CCN4: variants seen among roughly 807,000 people sequenced by gnomAD.
CCN4 encodes CCN family member 4.
In CCN4, 30 loss-of-function variants were observed where a neutral mutation model predicts 36.7. The observed-to-expected ratio is 0.82, with a 90% CI of 0.61 to 1.11. The LOEUF is 1.11. CCN4 is among the 50% of genes least tolerant of loss of function. The pLI, the probability that CCN4 is intolerant of heterozygous loss-of-function variation, is 0.00. For synonymous variants in CCN4, 191 were observed against 195.4 expected, an observed-to-expected ratio of 0.98 and a Z score of 0.19; for missense variants, 505 against 504.9, an observed-to-expected ratio of 1.00 and a Z score of 0.00.
intron 2 of CCN4, among the ~76,000 whole-genome samples, chr8:133,213,610 C>G (rs570351557): frequency 1.3e-5 from 2 of 151,418 alleles, no homozygotes; most frequent in East Asian, 3.9e-4. Flanking sequence ...TCCCTTCCCA[C>G]CAGCTACCTA....
chr8:133,196,957 T>C (rs990358720), intron 1 of CCN4, among the ~76,000 whole-genome samples: 11 of 152,196 alleles, frequency 7.2e-5, no homozygotes, highest in Non-Finnish European at 1.0e-4. Flanking sequence ...CAGGCTGTCC[T>C]GGCTCAGTGC....
intron 1 of CCN4, among the ~76,000 whole-genome samples, chr8:133,210,458 T>C (rs2130570091): frequency 6.6e-6 from 1 of 152,032 alleles, no homozygotes; most frequent in Admixed American, 6.6e-5. Context: ...TCTTGCATCC[T>C]GTTGTGTTTT....
chr8:133,202,788 G>T (rs1853634639), intron 1 of CCN4, among the ~76,000 whole-genome samples: 1 of 152,198 alleles, frequency 6.6e-6, no homozygotes, highest in Non-Finnish European at 1.5e-5. Flanking sequence ...CACTTGAAGG[G>T]GAGCCCCCAC....
rs765978788 is a variant in CCN4 at position 133,225,442 on chromosome 8, C to A, written c.663C>A (p.Ser221Arg). Residue 221 changes from serine (S) to arginine (R), a missense_variant, in exon 4 of 5, where the codon AGC (serine) becomes AGA (arginine). Coordinates refer to ENST00000250160, the MANE Select transcript of CCN4 (RefSeq NM_003882.4). ...AWHRNCIAYT[S>R]PWSPCSTSCG... Reference sequence around the variant, plus strand: ...ACAGGAACTGCATAGCCTACACAAGCCCCTGGAGCCCTTGCTCCACCAGCT... The same window carrying A: ...ACAGGAACTGCATAGCCTACACAAGACCCTGGAGCCCTTGCTCCACCAGCT... The A allele has an allele frequency of 1.2e-6, 2 of 1,613,874 alleles. No homozygotes were observed. The highest frequency in any genetic ancestry group is 2.2e-5 in the South Asian group (2 of 91,024).
Position 133,191,039 on chromosome 8 carries a change from A to T in CCN4, c.-106A>T. ...ACCCCCCAAGGGCTGCGGAAGAGGC[A>T]TATCTGGTGCTCCTGATGGGCCGGC... On this transcript the variant is annotated 5_prime_UTR_variant, in exon 1 of 5. Transcript: ENST00000250160. The T allele has an allele frequency of 8.6e-7, 1 of 1,159,102 alleles. No individual in the cohort carries two copies. Among genetic ancestry groups the T allele is most frequent in the African/African-American group, 1.5e-5 (1 of 65,888 alleles). 71.8% of individuals were successfully genotyped at this position (1,159,102 alleles called of 1,614,324 possible). A position where few individuals can be genotyped will look rare whatever the true frequency, so the allele number is the denominator to read the frequency against.
At chr8:133,217,655 C>T (rs1854368809) in intron 2 of CCN4, among the ~76,000 whole-genome samples, 1 of 152,140 alleles carries the variant, frequency 6.6e-6, no homozygotes, top group Non-Finnish European at 1.5e-5. Context: ...CTTCTAGTTG[C>T]ACTGGTTTTC....
chr8:133,212,017 C>G (rs1854060827), intron 1 of CCN4, among the ~76,000 whole-genome samples: 1 of 152,206 alleles, frequency 6.6e-6, no homozygotes, highest in Admixed American at 6.5e-5. Context: ...CTGGGCAGCT[C>G]TTAGGGCCTT....
intron 1 of CCN4, among the ~76,000 whole-genome samples, chr8:133,201,040 T>C (rs1463171786): frequency 2.0e-5 from 3 of 152,162 alleles, no homozygotes; most frequent in Non-Finnish European, 1.5e-5. Flanking sequence ...CCATGCCCTT[T>C]CCCCTCTTCA....
At chr8:133,194,954 CTG>C in intron 1 of CCN4, among the ~76,000 whole-genome samples, 1 of 76,476 alleles carries the variant, frequency 1.3e-5, no homozygotes, top group Admixed American at 1.3e-4. Flanking sequence ...TGTGTGGTGT[CTG>C]TGTATGTGTG....
intron 1 of CCN4, among the ~76,000 whole-genome samples, chr8:133,193,590 G>A (rs1044383328): frequency 7.9e-5 from 12 of 152,200 alleles, no homozygotes; most frequent in African/African-American, 2.9e-4. Flanking sequence ...CAAGCACTGA[G>A]CCAACACATG....
At chr8:133,204,159 T>C (rs1000332660) in intron 1 of CCN4, among the ~76,000 whole-genome samples, 1 of 152,220 alleles carries the variant, frequency 6.6e-6, no homozygotes, top group Non-Finnish European at 1.5e-5. Context: ...TTAGGGGTCT[T>C]ATCATCGGGA....
At chr8:133,222,548 G>A (rs1401675149) in intron 3 of CCN4, among the ~76,000 whole-genome samples, 1 of 151,628 alleles carries the variant, frequency 6.6e-6, no homozygotes, top group African/African-American at 2.4e-5. Flanking sequence ...GATGGCCTGA[G>A]GGTAACATCC....
At position 133,191,158 on chromosome 8, in the gene CCN4, T is replaced by A. The variant is rs1218362842; in HGVS notation, c.14T>A (p.Leu5Gln). 2 of 1,606,764 alleles carry A rather than the reference T, an allele frequency of 1.2e-6. No individual in the cohort carries two copies. The highest frequency in any genetic ancestry group is 2.2e-5 in the South Asian group (2 of 90,944). ...TGACGTCCAGGCATGAGGTGGTTCC[T>A]GCCCTGGACGCTGGCAGCAGTGACA... Reference protein sequence around the residue: MRWFLPWTLAAVTAA... With the variant: MRWFQPWTLAAVTAA... The change falls in exon 1 of 5, where the codon CTG becomes CAG. Residue 5 changes from leucine (L) to glutamine (Q), a missense_variant. Transcript: ENST00000250160.
chr8:133,215,295 TTGC>T (rs1854278559), intron 2 of CCN4, among the ~76,000 whole-genome samples: 1 of 152,154 alleles, frequency 6.6e-6, no homozygotes, highest in Admixed American at 6.5e-5. Flanking sequence ...AGTTCAAGAA[TTGC>T]TGCTAATATA....
intron 3 of CCN4, among the ~76,000 whole-genome samples, chr8:133,222,291 G>C (rs1854566180): frequency 6.6e-6 from 1 of 152,134 alleles, no homozygotes; most frequent in Non-Finnish European, 1.5e-5. Context: ...CTAATGCATG[G>C]GGTGAAGAAG....
At chr8:133,193,082 C>T (rs980719572) in intron 1 of CCN4, among the ~76,000 whole-genome samples, 1 of 152,204 alleles carries the variant, frequency 6.6e-6, no homozygotes, top group Non-Finnish European at 1.5e-5. Flanking sequence ...GAAAGCCCCG[C>T]CCCCTGTGTG....
chr8:133,226,586 G>T (rs1250814042), intron 4 of CCN4, among the ~76,000 whole-genome samples: 3 of 152,172 alleles, frequency 2.0e-5, no homozygotes, highest in Non-Finnish European at 2.9e-5. Flanking sequence ...ACATGGAAAA[G>T]GTACCAGCTG....
At position 133,227,887 on chromosome 8, in the gene CCN4, A is replaced by T. The variant is rs1255365050; in HGVS notation, c.*177A>T. 7.3e-6 allele frequency: 5 copies of T among 688,750 alleles called. No homozygotes were observed. Among genetic ancestry groups the T allele is most frequent in the Non-Finnish European group, 1.2e-5 (5 of 423,340 alleles). The allele number at this position is 688,750 out of a possible 1,614,324, so 42.7% of individuals were successfully genotyped here. A position where few individuals can be genotyped will look rare whatever the true frequency, so the allele number is the denominator to read the frequency against. ...TGGTGCTGCTCAGGCCCATGCTATG[A>T]GTTTTCTCCTTGATATCATTCAGCA... On this transcript the variant is annotated 3_prime_UTR_variant, in exon 5 of 5. Coordinates refer to ENST00000250160, the MANE Select transcript of CCN4 (RefSeq NM_003882.4).
At chr8:133,206,531 G>A (rs1450874303) in intron 1 of CCN4, among the ~76,000 whole-genome samples, 1 of 152,208 alleles carries the variant, frequency 6.6e-6, no homozygotes, top group Non-Finnish European at 1.5e-5. Context: ...GAAAAGAGCT[G>A]TGAACCAAAG....
Sources: allele counts gnomAD v4.1 joint callset (sites outside exome capture counted in the v4.1 genomes callset), GRCh38; gene constraint gnomAD v4.1.1; transcripts MANE v1.5; gene names NCBI Gene and HGNC (gene_info 2026-07-23, HGNC 2026-07-21).